MCTP1: variants seen among roughly 807,000 people sequenced by gnomAD.
MCTP1 encodes multiple C2 and transmembrane domain containing 1, also known as multiple C2 and transmembrane domain-containing protein 1.
In MCTP1, 69 loss-of-function variants were observed where a neutral mutation model predicts 120.6. That is an observed-to-expected ratio of 0.57 (90% CI 0.47 to 0.70). The LOEUF is 0.70. Ranked by LOEUF, MCTP1 falls within the 30% of genes least tolerant of loss-of-function variation. MCTP1 has a pLI of 0.00. For synonymous variants in MCTP1, 529 were observed against 493.1 expected, an observed-to-expected ratio of 1.07 and a Z score of -0.96; for missense variants, 1,203 against 1,248.8, an observed-to-expected ratio of 0.96 and a Z score of 0.55.
chr5:95,156,547 C>T (rs1745151122), intron 1 of MCTP1, among the ~76,000 whole-genome samples: 2 of 152,316 alleles, frequency 1.3e-5, no homozygotes, highest in South Asian at 4.1e-4. Flanking sequence ...CACTACTTCC[C>T]TAACATGTGT....
chr5:95,233,001 A>G (rs1755133956), intron 1 of MCTP1, among the ~76,000 whole-genome samples: 1 of 152,220 alleles, frequency 6.6e-6, no homozygotes, highest in Non-Finnish European at 1.5e-5. Flanking sequence ...AAATACAGAA[A>G]CCACAATTAT....
chr5:95,090,001 C>T (rs72779432), intron 1 of MCTP1, among the ~76,000 whole-genome samples: 1 of 152,104 alleles, frequency 6.6e-6, no homozygotes, highest in Non-Finnish European at 1.5e-5. Context: ...CTCCCCAGGG[C>T]CCCATCTGGT....
At chr5:95,013,591 T>C (rs942969499) in intron 2 of MCTP1, among the ~76,000 whole-genome samples, 1 of 152,138 alleles carries the variant, frequency 6.6e-6, no homozygotes, top group African/African-American at 2.4e-5. Context: ...CTGTGCCCTA[T>C]AAATGAAGCC....
intron 1 of MCTP1, among the ~76,000 whole-genome samples, chr5:95,266,142 C>A (rs1000579106): frequency 1.3e-5 from 2 of 152,152 alleles, no homozygotes; most frequent in African/African-American, 4.8e-5. Context: ...GTTAGGAGGC[C>A]AGTCTACAGA....
intron 12 of MCTP1, among the ~76,000 whole-genome samples, chr5:94,882,407 A>G (rs946430562): frequency 1.3e-5 from 2 of 151,852 alleles, no homozygotes; most frequent in African/African-American, 2.4e-5. Flanking sequence ...TAACCCAAGT[A>G]TCTCTGTAGT....
chr5:95,274,035 T>A (rs1759613107), intron 1 of MCTP1, among the ~76,000 whole-genome samples: 1 of 152,132 alleles, frequency 6.6e-6, no homozygotes, highest in Admixed American at 6.5e-5. Flanking sequence ...TTCGCCCTCC[T>A]AAGGCTCAGG....
chr5:95,006,666 C>G (rs1242497243), intron 2 of MCTP1, among the ~76,000 whole-genome samples: 1 of 152,060 alleles, frequency 6.6e-6, no homozygotes, highest in Admixed American at 6.6e-5. Flanking sequence ...TTAAAGGCTG[C>G]ATAAATCAAA....
chr5:95,246,559 CAAAG>C (rs1336232460), intron 1 of MCTP1, among the ~76,000 whole-genome samples: 1 of 151,986 alleles, frequency 6.6e-6, no homozygotes, highest in Non-Finnish European at 1.5e-5. Context: ...TCAAAAGAGA[CAAAG>C]AAGGCCACTA....
intron 1 of MCTP1, among the ~76,000 whole-genome samples, chr5:95,218,546 T>G (rs1333434469): frequency 6.6e-6 from 1 of 152,202 alleles, no homozygotes; most frequent in Non-Finnish European, 1.5e-5. Flanking sequence ...AAAATTTCAG[T>G]TTGGTACTAG....
chr5:95,172,456 G>A (rs1027271559), intron 1 of MCTP1, among the ~76,000 whole-genome samples: 1 of 152,100 alleles, frequency 6.6e-6, no homozygotes, highest in African/African-American at 2.4e-5. Context: ...ACATTAATTC[G>A]TATTACTTCT....
intron 11 of MCTP1, 137 bp downstream of exon 11, chr5:94,894,512 G>A (rs1213923235): frequency 5.3e-6 from 3 of 569,406 alleles, no homozygotes; most frequent in African/African-American, 1.8e-5. Context: ...TGTGGCATTT[G>A]TTTTCACTCA....
In MCTP1 at chr5:95,284,750, G is replaced by A. The variant is rs934007943; in HGVS notation, c.-175C>T. On this transcript the variant is annotated 5_prime_UTR_variant, in exon 1 of 23. Transcript: ENST00000515393. The surrounding 1 kb of genome is among the most constrained non-coding windows in gnomAD (Gnocchi z 5.2). ...CCAGCGACTTCAGGCCAGCTCGGGG[G>A]AAAGAAGCGGCCGCCGCCGCCGAGG... Among the ~76,000 whole-genome samples, 3 of 151,884 alleles carry A rather than the reference G, an allele frequency of 2.0e-5. No individual in the cohort carries two copies. Among genetic ancestry groups the A allele is most frequent in the Admixed American group, 6.6e-5 (1 of 15,264 alleles).
intron 9 of MCTP1, 113 bp downstream of exon 9, chr5:94,912,693 A>G: frequency 1.2e-6 from 1 of 821,040 alleles, no homozygotes; most frequent in East Asian, 3.0e-5. Context: ...GGTGTTCAAA[A>G]GAGTTTGTTA....
At chr5:95,163,585 T>C (rs1354784209) in intron 1 of MCTP1, among the ~76,000 whole-genome samples, 1 of 152,238 alleles carries the variant, frequency 6.6e-6, no homozygotes, top group African/African-American at 2.4e-5. Flanking sequence ...TATTCAATAG[T>C]ATATACAATA....
At chr5:94,750,755 G>A (rs998284808) in intron 19 of MCTP1, among the ~76,000 whole-genome samples, 10 of 152,316 alleles carry the variant, frequency 6.6e-5, no homozygotes, top group African/African-American at 2.4e-4. Flanking sequence ...AGTTATTACT[G>A]CAGCAAAACC....
chr5:95,202,432 T>C (rs994807429), intron 1 of MCTP1, among the ~76,000 whole-genome samples: 11 of 152,214 alleles, frequency 7.2e-5, no homozygotes, highest in African/African-American at 2.4e-4. Context: ...GTCATGGGAC[T>C]TCCCAGCCTC....
chr5:94,754,326 A>G (rs900384058), intron 19 of MCTP1, among the ~76,000 whole-genome samples: 2 of 152,226 alleles, frequency 1.3e-5, no homozygotes, highest in Non-Finnish European at 2.9e-5. Context: ...ATAAAAATGT[A>G]TTGGAAAAAT....
Position 94,817,407 on chromosome 5 carries a change from AAAACAAACAAACAAAC to A in MCTP1, c.2437-18291_2437-18276del, listed in dbSNP as rs55957139. On this transcript the variant is annotated intron_variant, in intron 17 of 22. Transcript: ENST00000515393. ...TGGGCGACAGTGAGACTCTTGTCTC[AAAACAAACAAACAAAC>A]AAACAAACAAACAAACAAACAAACT... Among the ~76,000 whole-genome samples, 1,281 of 150,030 alleles carry A rather than the reference AAAACAAACAAACAAAC, an allele frequency of 8.5e-3. 14 individuals carry two copies. The highest frequency in any genetic ancestry group is 0.03 in the African/African-American group (1,226 of 40,684).
chr5:95,248,175 C>A (rs933904753), intron 1 of MCTP1, among the ~76,000 whole-genome samples: 8 of 152,140 alleles, frequency 5.3e-5, no homozygotes, highest in African/African-American at 1.9e-4. Context: ...CTGGCCAGGG[C>A]AATCAGGCAA....
Sources: allele counts gnomAD v4.1 joint callset (sites outside exome capture counted in the v4.1 genomes callset), GRCh38; gene constraint gnomAD v4.1.1; non-coding constraint Gnocchi (gnomAD v3.1); transcripts MANE v1.5; gene names NCBI Gene and HGNC (gene_info 2026-07-23, HGNC 2026-07-21).